SLC6A17: variants seen among roughly 807,000 people sequenced by gnomAD.
The protein encoded by SLC6A17 is sodium-dependent neutral amino acid transporter SLC6A17.
SLC6A17 carries 21 observed loss-of-function variants against 64.5 expected under a neutral mutation model. The ratio of observed to expected loss-of-function variants is 0.33; its 90% CI spans 0.23 to 0.47. SLC6A17 has a LOEUF of 0.47. Among genes scored for constraint, SLC6A17 ranks in the 20% least tolerant of loss-of-function variants. The probability of loss-of-function intolerance (pLI) is 1.00; values close to 1 mark genes in which losing one functional copy is unlikely to be tolerated. For synonymous variants in SLC6A17, 372 were observed against 399.5 expected (o/e 0.93, Z 0.82); for missense variants, 682 against 963.2 (o/e 0.71, Z 3.86).
At chr1:110,154,356 T>C (rs1437378571) in intron 1 of SLC6A17, among the ~76,000 whole-genome samples, 1 of 152,234 alleles carries the variant, frequency 6.6e-6, no homozygotes, top group Admixed American at 6.5e-5. Flanking sequence ...GTGATACTTT[T>C]CCGCAATACA....
At chr1:110,156,489 T>C (rs904014913) in intron 1 of SLC6A17, among the ~76,000 whole-genome samples, 4 of 152,192 alleles carry the variant, frequency 2.6e-5, no homozygotes, top group African/African-American at 9.7e-5. Context: ...TGTCATGACA[T>C]GCAAAAGATT....
At chr1:110,174,493 A>G (rs998186326) in intron 4 of SLC6A17, among the ~76,000 whole-genome samples, 10 of 152,218 alleles carry the variant, frequency 6.6e-5, no homozygotes, top group African/African-American at 2.4e-4. Flanking sequence ...ACTTTAGGCC[A>G]ATTCAGCCTC....
chr1:110,198,053 C>T (rs544786278), intron 11 of SLC6A17, 23 bp from the exon 12 acceptor site: 1 of 1,592,546 alleles, frequency 6.3e-7, no homozygotes, highest in East Asian at 2.2e-5. Flanking sequence ...CCGGCAGCAG[C>T]CCTTAAGGCA....
chr1:110,179,059 T>G lies in SLC6A17; in HGVS notation c.864+2320T>G, dbSNP rs1255021437. Among the ~76,000 whole-genome samples the G allele has an allele frequency of 3.3e-5, 5 of 152,252 alleles. No homozygotes were observed. In the South Asian group the frequency reaches 1.0e-3, roughly 31 times the overall value. On this transcript the variant is annotated intron_variant, in intron 6 of 11. Coordinates refer to ENST00000331565, the MANE Select transcript of SLC6A17 (RefSeq NM_001010898.4). ...ATATGTATTCTGCAACTTGCTTTTA[T>G]TTTTGCTTAACATGATTTTCTAAGA...
Position 110,160,379 on chromosome 1 carries a change from T to C in SLC6A17, c.-87-6464T>C, listed in dbSNP as rs970607137. On this transcript the variant is annotated intron_variant, in intron 1 of 11. Transcript: ENST00000331565. Reference sequence around the variant, plus strand: ...TGGCAAGCAGGTTGTTCTCAGAGGGTTGGAAGGCAGGGACCCTAGAACACC... The same window carrying C: ...TGGCAAGCAGGTTGTTCTCAGAGGGCTGGAAGGCAGGGACCCTAGAACACC... Among the ~76,000 whole-genome samples the C allele has an allele frequency of 2.0e-5, 3 of 152,184 alleles. No homozygotes were observed. The East Asian group carries it at 5.8e-4, about 29-fold the overall frequency.
intron 1 of SLC6A17, among the ~76,000 whole-genome samples, chr1:110,163,472 T>A (rs554143578): frequency 6.6e-6 from 1 of 152,330 alleles, no homozygotes; most frequent in African/African-American, 2.4e-5. Flanking sequence ...CCTTTCTGTG[T>A]GCCAAGCTCT....
chr1:110,171,912 A>T (rs975263003), intron 2 of SLC6A17, 148 bp from the exon 3 acceptor site: 4 of 1,064,500 alleles, frequency 3.8e-6, no homozygotes, highest in Non-Finnish European at 5.4e-6. Context: ...ACGTATGGCC[A>T]CATCATTCAT....
chr1:110,160,713 CAG>C (rs1041082741), intron 1 of SLC6A17, among the ~76,000 whole-genome samples: 8 of 152,182 alleles, frequency 5.3e-5, no homozygotes, highest in Admixed American at 4.6e-4. Context: ...CTTCAGCTGT[CAG>C]GGGATGGGAA....
At chr1:110,159,934 A>T (rs376779697) in intron 1 of SLC6A17, among the ~76,000 whole-genome samples, 10 of 152,232 alleles carry the variant, frequency 6.6e-5, no homozygotes, top group African/African-American at 2.4e-4. Context: ...TCATATTATG[A>T]TAAGATACCA....
chr1:110,198,438 G>A lies in SLC6A17; in HGVS notation c.2178G>A (p.Glu726=). Reference sequence around the variant, plus strand: ...TGCTGGCCAGCACCCCTGAGTCGGAGCTGTGACCACTGCCCAAGCCCTGCC... The same window carrying A: ...TGCTGGCCAGCACCCCTGAGTCGGAACTGTGACCACTGCCCAAGCCCTGCC... The part of the protein sequence containing the change: ...GYLLASTPES[E]L Residue 726 remains glutamate (E), a synonymous_variant, in exon 12 of 12, where the codon GAG becomes GAA. Transcript: ENST00000331565. 1 of 1,605,434 alleles carries A rather than the reference G, an allele frequency of 6.2e-7. No homozygotes were observed. Among genetic ancestry groups the A allele is most frequent in the Non-Finnish European group, 8.5e-7 (1 of 1,175,384 alleles).
intron 6 of SLC6A17, among the ~76,000 whole-genome samples, chr1:110,187,338 C>T (rs926488718): frequency 1.3e-5 from 2 of 152,142 alleles, no homozygotes; most frequent in African/African-American, 2.4e-5. Context: ...AAGTGACTTA[C>T]GGAAGATGGA....
intron 1 of SLC6A17, among the ~76,000 whole-genome samples, chr1:110,165,495 C>G (rs1177357532): frequency 6.6e-6 from 1 of 152,182 alleles, no homozygotes; most frequent in Admixed American, 6.5e-5. Context: ...ACTCACTGTT[C>G]CCTTGGAAGA....
chr1:110,169,207 C>A (rs1459380370), intron 2 of SLC6A17, among the ~76,000 whole-genome samples: 1 of 152,192 alleles, frequency 6.6e-6, no homozygotes, highest in Non-Finnish European at 1.5e-5. Flanking sequence ...CTGGAACACT[C>A]TCCTTAGCTC....
chr1:110,184,142 G>C (rs375640260), intron 6 of SLC6A17, among the ~76,000 whole-genome samples: 1 of 152,112 alleles, frequency 6.6e-6, no homozygotes, highest in African/African-American at 2.4e-5. Flanking sequence ...ACGGAGTCTC[G>C]CTCTGTTGCC....
Position 110,174,106 on chromosome 1 carries a change from A to G in SLC6A17, c.571+7A>G, listed in dbSNP as rs1404706601. On this transcript the variant is annotated splice_region_variant and intron_variant, in intron 4 of 11. Coordinates refer to ENST00000331565, the MANE Select transcript of SLC6A17 (RefSeq NM_001010898.4). Reference sequence around the variant, plus strand: ...AGGAATGGGAGCGTGGCAGGCAAGTATGGGGCCCAGCTGGGGATGCCAGCC... The same window carrying G: ...AGGAATGGGAGCGTGGCAGGCAAGTGTGGGGCCCAGCTGGGGATGCCAGCC... 6.2e-7 allele frequency: 1 copy of G among 1,613,662 alleles called. No homozygotes were observed. The highest frequency in any genetic ancestry group is 8.5e-7 in the Non-Finnish European group (1 of 1,179,850).
intron 9 of SLC6A17, 60 bp downstream of exon 9, chr1:110,194,831 C>T (rs775183960): frequency 1.6e-5 from 25 of 1,593,350 alleles, no homozygotes; most frequent in Middle Eastern, 1.6e-4. Context: ...ACAACAATTC[C>T]GTTCTGGCTT....
chr1:110,160,516 C>T (rs187923741), intron 1 of SLC6A17, among the ~76,000 whole-genome samples: 1 of 152,348 alleles, frequency 6.6e-6, no homozygotes, highest in East Asian at 1.9e-4. Flanking sequence ...CACCTTCGCT[C>T]CTGCCTCAAG....
chr1:110,197,210 C>T (rs1008462635), intron 10 of SLC6A17, among the ~76,000 whole-genome samples: 1 of 152,220 alleles, frequency 6.6e-6, no homozygotes, highest in African/African-American at 2.4e-5. Flanking sequence ...CCTATCATAT[C>T]TCTGGATGGG....
chr1:110,151,308 C>T (rs993355037), intron 1 of SLC6A17, among the ~76,000 whole-genome samples: 1 of 152,254 alleles, frequency 6.6e-6, no homozygotes, highest in African/African-American at 2.4e-5. Flanking sequence ...AGCTGGAGAC[C>T]CCAGCCCCAG....
Sources: allele counts gnomAD v4.1 joint callset (sites outside exome capture counted in the v4.1 genomes callset), GRCh38; gene constraint gnomAD v4.1.1; transcripts MANE v1.5; gene names NCBI Gene and HGNC (gene_info 2026-07-23, HGNC 2026-07-21).